Variants in ATAD2B observed in about 807,000 individuals in gnomAD.
The protein encoded by ATAD2B is ATPase family AAA domain containing 2B, also known as ATPase family AAA domain-containing protein 2B.
A neutral mutation model predicts 167.6 loss-of-function variants in ATAD2B; 40 were observed. The ratio of observed to expected loss-of-function variants is 0.24; its 90% CI spans 0.19 to 0.31. The LOEUF (loss-of-function observed/expected upper bound fraction) is 0.31. ATAD2B is among the 10% of genes least tolerant of loss of function. The probability of loss-of-function intolerance (pLI) is 1.00; values close to 1 mark genes in which losing one functional copy is unlikely to be tolerated. For missense variants in ATAD2B, 1,242 were observed against 1,757.2 expected (o/e 0.71, Z 5.24); for synonymous variants, 579 against 596.5 (o/e 0.97, Z 0.43).
intron 13 of ATAD2B, among the ~76,000 whole-genome samples, chr2:23,841,121 T>C (rs1690832184): frequency 7.0e-6 from 1 of 143,552 alleles, no homozygotes; most frequent in African/African-American, 2.6e-5. Context: ...TTTTTTTTTG[T>C]ACAGATGGGT....
the ATAD2B span, among the ~76,000 whole-genome samples, chr2:23,687,966 C>T: frequency 9.2e-5 from 14 of 152,140 alleles, no homozygotes; most frequent in Non-Finnish European, 2.1e-4. Context: ...CGGCCGAGTC[C>T]CTTTGGGCTT....
At chr2:23,818,880 C>T (rs1243720644) in intron 17 of ATAD2B, among the ~76,000 whole-genome samples, 2 of 152,144 alleles carry the variant, frequency 1.3e-5, no homozygotes, top group Non-Finnish European at 2.9e-5. Flanking sequence ...GCAAAACTTG[C>T]TTTAACACAG....
intron 1 of ATAD2B, among the ~76,000 whole-genome samples, chr2:23,908,985 T>C (rs182724902): frequency 1.1e-3 from 100 of 92,922 alleles, no homozygotes; most frequent in Non-Finnish European, 1.7e-3. Flanking sequence ...CTGGAGACTG[T>C]TGTGGGGTGG....
chr2:23,885,624 C>A, intron 5 of ATAD2B, 103 bp downstream of exon 5: 2 of 601,648 alleles, frequency 3.3e-6, no homozygotes, highest in East Asian at 3.2e-5. Context: ...GACGAAGGAA[C>A]ACTCATGCTA....
the ATAD2B span, among the ~76,000 whole-genome samples, chr2:23,681,225 C>A: frequency 6.6e-6 from 1 of 152,248 alleles, no homozygotes; most frequent in African/African-American, 2.4e-5. This position sits in a 1 kb window ranked among gnomAD's most constrained non-coding sequence, Gnocchi z 4.2. Context: ...TGCTGGGAAT[C>A]CCCTGGTGAG....
chr2:23,745,415 A>AGAAAGGAAAGGGAAG (rs1558476173), downstream of ATAD2B, among the ~76,000 whole-genome samples: 16 of 96,196 alleles, frequency 1.7e-4, no homozygotes, highest in African/African-American at 5.6e-4. Context: ...GAAGGAAGGA[A>AGAAAGGAAAGGGAAG]GGAAGGAAAG....
chr2:23,816,173 A>G (rs1467991652), intron 17 of ATAD2B, among the ~76,000 whole-genome samples: 1 of 152,228 alleles, frequency 6.6e-6, no homozygotes, highest in Non-Finnish European at 1.5e-5. Flanking sequence ...GGTATAAGAA[A>G]AATACTACTC....
Position 23,825,807 on chromosome 2 carries a change from TAATTA to T in ATAD2B, c.1820-2243_1820-2239del, listed in dbSNP as rs546132365. Among the ~76,000 whole-genome samples, 29 of 152,132 alleles carry T rather than the reference TAATTA, an allele frequency of 1.9e-4. No homozygotes were observed. The South Asian group carries it at 5.8e-3, about 30-fold the overall frequency. On this transcript the variant is annotated intron_variant, in intron 15 of 27. Coordinates refer to ENST00000238789, the MANE Select transcript of ATAD2B (RefSeq NM_017552.4). ...CTCAGAAACTATTAGGCAAAACAAATAATTAGCCACTAGAAGGCATTTTAGGTAGT... is the reference window on the plus strand; with the variant it reads ...CTCAGAAACTATTAGGCAAAACAAATGCCACTAGAAGGCATTTTAGGTAGT...
chr2:23,881,585 A>T (rs1697910489), intron 6 of ATAD2B, among the ~76,000 whole-genome samples: 1 of 151,368 alleles, frequency 6.6e-6, no homozygotes, highest in Non-Finnish European at 1.5e-5. Flanking sequence ...ATGGTCTCGA[A>T]CTCCAGACCT....
intron 24 of ATAD2B, among the ~76,000 whole-genome samples, chr2:23,758,877 G>A (rs1471154771): frequency 6.6e-6 from 1 of 152,150 alleles, no homozygotes; most frequent in Non-Finnish European, 1.5e-5. Flanking sequence ...AAGTTGTAAG[G>A]ACTATACTCT....
chr2:23,683,311 G>A, the ATAD2B span, among the ~76,000 whole-genome samples: 2 of 152,240 alleles, frequency 1.3e-5, no homozygotes, highest in Non-Finnish European at 2.9e-5. Flanking sequence ...GACAGTCTAG[G>A]TCATTCTGGC....
At chr2:23,900,184 G>T (rs931464958) in intron 1 of ATAD2B, among the ~76,000 whole-genome samples, 7 of 151,958 alleles carry the variant, frequency 4.6e-5, no homozygotes, top group Admixed American at 4.6e-4. Flanking sequence ...CGAAAGTGCT[G>T]GGATTAGAAG....
At chr2:23,807,820 A>ATATATAT (rs779599879) in intron 18 of ATAD2B, among the ~76,000 whole-genome samples, 15 of 65,184 alleles carry the variant, frequency 2.3e-4, no homozygotes, top group South Asian at 1.4e-3. Context: ...CATCTTAAAA[A>ATATATAT]AAAAAAAAAT....
rs556712685 is a variant in ATAD2B, at chr2:23,796,541, AAT to A, written c.2640+1595_2640+1596del. On this transcript the variant is annotated intron_variant, in intron 19 of 27. Transcript: ENST00000238789. ...ACTTTTATTTAGAAATTTTTCAAAC[AAT>A]ATAGAGGGAAATTTTCAGGGAATAT... Among the ~76,000 whole-genome samples the A allele has an allele frequency of 2.6e-5, 4 of 152,356 alleles. No homozygotes were observed. In the East Asian group the frequency reaches 7.7e-4, roughly 29 times the overall value.
At chr2:23,684,120 C>G in the ATAD2B span, among the ~76,000 whole-genome samples, 1 of 152,132 alleles carries the variant, frequency 6.6e-6, no homozygotes, top group African/African-American at 2.4e-5. The surrounding 1 kb of genome is among the most constrained non-coding windows in gnomAD (Gnocchi z 4.4). Context: ...TCTCCCCCAA[C>G]CTTTCAATTT....
At chr2:23,818,867 A>C (rs959185871) in intron 17 of ATAD2B, among the ~76,000 whole-genome samples, 1 of 152,260 alleles carries the variant, frequency 6.6e-6, no homozygotes, top group Admixed American at 6.5e-5. Flanking sequence ...ATTATAGTGC[A>C]CAGCAAAACT....
At chr2:23,883,668 AC>A in intron 6 of ATAD2B, 2 of 1,189,056 alleles carry the variant, frequency 1.7e-6, no homozygotes, top group Non-Finnish European at 2.2e-6. Context: ...TCAATAAAGT[AC>A]CTTCATTAGA....
chr2:23,743,138 G>A, the ATAD2B span, among the ~76,000 whole-genome samples: 4 of 138,508 alleles, frequency 2.9e-5, no homozygotes, highest in South Asian at 2.3e-4. Flanking sequence ...AAGGATGTTC[G>A]CCCAAAAAAA....
At chr2:23,835,807 G>A (rs377006619) in intron 13 of ATAD2B, among the ~76,000 whole-genome samples, 4 of 152,092 alleles carry the variant, frequency 2.6e-5, no homozygotes, top group Middle Eastern at 3.4e-3. Context: ...GCGGTGGCAC[G>A]CACCTGTAAT....
Sources: gnomAD v4.1 joint callset for allele counts (sites outside exome capture counted in the v4.1 genomes callset) on GRCh38, gnomAD v4.1.1 for gene constraint, Gnocchi (gnomAD v3.1) non-coding constraint, MANE v1.5 for transcripts, NCBI Gene and HGNC (gene_info 2026-07-23, HGNC 2026-07-21) for gene names.